Variants in KIF13B observed in about 807,000 individuals in gnomAD.
KIF13B encodes kinesin-like protein KIF13B.
KIF13B carries 127 observed loss-of-function variants against 222.0 expected under a neutral mutation model. That is an observed-to-expected ratio of 0.57 (90% CI 0.50 to 0.66). The LOEUF (loss-of-function observed/expected upper bound fraction) is 0.66. Ranked by LOEUF, KIF13B falls within the 30% of genes least tolerant of loss-of-function variation. The probability of loss-of-function intolerance (pLI) is 0.00; values close to 1 mark genes in which losing one functional copy is unlikely to be tolerated. For synonymous variants in KIF13B, 976 were observed against 919.0 expected (o/e 1.06, Z -1.12); for missense variants, 2,173 against 2,379.0 (o/e 0.91, Z 1.80).
At chr8:29,161,793 C>A (rs1811794058) in intron 12 of KIF13B, among the ~76,000 whole-genome samples, 1 of 150,662 alleles carries the variant, frequency 6.6e-6, no homozygotes, top group Non-Finnish European at 1.5e-5. Flanking sequence ...TTTTTTCTAT[C>A]TGGAGCAGAC....
chr8:29,206,009 T>C (rs946739430), intron 2 of KIF13B, among the ~76,000 whole-genome samples: 1 of 151,892 alleles, frequency 6.6e-6, no homozygotes, highest in African/African-American at 2.4e-5. Context: ...GAGGATCACT[T>C]GAACTGATGA....
At chr8:29,262,200 T>A (rs551694664) in intron 1 of KIF13B, among the ~76,000 whole-genome samples, 1 of 152,224 alleles carries the variant, frequency 6.6e-6, no homozygotes, top group East Asian at 1.9e-4. Flanking sequence ...TTCTCTCCAC[T>A]CCCCGGGTCT....
In KIF13B at chr8:29,191,088, GAAAACCTCAACA is replaced by G. The variant is rs561842621; in HGVS notation, c.163-43_163-32del. On this transcript the variant is annotated intron_variant, in intron 3 of 39. Coordinates refer to ENST00000524189, the MANE Select transcript of KIF13B (RefSeq NM_015254.4). ...GAAAATGAACATAAGTGTGTGTTAA[GAAAACCTCAACA>G]TTACTTATAAACCATAACTGATAGA... The G allele has an allele frequency of 3.4e-5, 53 of 1,539,604 alleles. No homozygotes were observed. In the South Asian group the frequency reaches 6.2e-4, roughly 18 times the overall value.
At chr8:29,152,329 G>A (rs1009151460) in intron 14 of KIF13B, among the ~76,000 whole-genome samples, 4 of 152,156 alleles carry the variant, frequency 2.6e-5, no homozygotes, top group South Asian at 2.1e-4. Context: ...TGTCAGGGTC[G>A]AAGAAAACTG....
intron 21 of KIF13B, 44 bp downstream of exon 21, chr8:29,140,017 AAT>A (rs1309317661): frequency 1.3e-6 from 2 of 1,513,694 alleles, no homozygotes; most frequent in Non-Finnish European, 8.9e-7. Context: ...CAAAAACTGC[AAT>A]GACTTTTGTA....
intron 34 of KIF13B, among the ~76,000 whole-genome samples, 193 bp downstream of exon 34, chr8:29,109,241 C>T (rs1809239490): frequency 6.6e-6 from 1 of 152,208 alleles, no homozygotes. Context: ...ACTGCTACTT[C>T]CCCTATAATA....
At chr8:29,230,771 T>A (rs1272981487) in intron 2 of KIF13B, among the ~76,000 whole-genome samples, 5 of 152,192 alleles carry the variant, frequency 3.3e-5, no homozygotes, top group African/African-American at 1.2e-4. Flanking sequence ...AGGGGTCTGA[T>A]ATGGGGCAGA....
chr8:29,250,104 A>G (rs770632753), intron 1 of KIF13B: 2 of 1,209,040 alleles, frequency 1.7e-6, no homozygotes, highest in Non-Finnish European at 2.2e-6. Context: ...ACACAAGCAC[A>G]TTATCAACTC....
At chr8:29,148,423 A>G (rs1253557258) in intron 16 of KIF13B, among the ~76,000 whole-genome samples, 154 bp downstream of exon 16, 1 of 151,762 alleles carries the variant, frequency 6.6e-6, no homozygotes, top group Non-Finnish European at 1.5e-5. Context: ...TAAAGAGAGA[A>G]CGTCTTGCTA....
chr8:29,250,286 A>C (rs1227025064), intron 1 of KIF13B, among the ~76,000 whole-genome samples: 1 of 152,226 alleles, frequency 6.6e-6, no homozygotes, highest in Non-Finnish European at 1.5e-5. Context: ...ACAATAGTGC[A>C]GTTCCTTCAT....
intron 21 of KIF13B, among the ~76,000 whole-genome samples, chr8:29,134,954 A>G (rs951280425): frequency 3.3e-5 from 5 of 152,206 alleles, no homozygotes; most frequent in African/African-American, 7.2e-5. Context: ...CTGGAGATAC[A>G]TGTCTAATCA....
At chr8:29,150,428 T>C in intron 14 of KIF13B, 45 bp from the exon 15 acceptor site, 1 of 912,324 alleles carries the variant, frequency 1.1e-6, no homozygotes, top group Non-Finnish European at 1.7e-6. Context: ...TACAGTATCA[T>C]GTCTTCTGCT....
intron 1 of KIF13B, among the ~76,000 whole-genome samples, 191 bp downstream of exon 1, chr8:29,262,789 G>C (rs1006113043): frequency 6.6e-6 from 1 of 151,406 alleles, no homozygotes; most frequent in African/African-American, 2.4e-5. Context: ...CTGGCCAGGG[G>C]GGAAGGGAGG....
At chr8:29,248,996 T>C (rs370847465) in intron 1 of KIF13B, among the ~76,000 whole-genome samples, 45 of 152,298 alleles carry the variant, frequency 3.0e-4, no homozygotes, top group Middle Eastern at 3.4e-3. Flanking sequence ...TTGAATTGTA[T>C]GGGGCATGAA....
intron 2 of KIF13B, among the ~76,000 whole-genome samples, chr8:29,235,281 G>C (rs982126657): frequency 9.9e-5 from 15 of 152,208 alleles, no homozygotes; most frequent in African/African-American, 3.6e-4. Flanking sequence ...AAAGGTTACA[G>C]TAATGCAAAT....
chr8:29,228,472 A>AAATATATATATAT lies in KIF13B; in HGVS notation c.149+16873_149+16874insATATATATATATT. 1.7e-4 allele frequency among the ~76,000 whole-genome samples: 20 copies of AAATATATATATAT among 117,084 alleles called. 1 individual carries two copies. The South Asian group carries it at 2.9e-3, about 17-fold the overall frequency. 76.8% of individuals were successfully genotyped at this position (117,084 alleles called of 152,430 possible). A position where few individuals can be genotyped will look rare whatever the true frequency, so the allele number is the denominator to read the frequency against. On this transcript the variant is annotated intron_variant, in intron 2 of 39. Coordinates refer to ENST00000524189, the MANE Select transcript of KIF13B (RefSeq NM_015254.4). ...ACAGAGCCAGACTCCATCTTAAAAA[A>AAATATATATATAT]ATATATATATATATATATGAGATAC...
At chr8:29,199,742 G>A (rs188134882) in intron 2 of KIF13B, among the ~76,000 whole-genome samples, 14 of 152,100 alleles carry the variant, frequency 9.2e-5, no homozygotes, top group African/African-American at 2.9e-4. Flanking sequence ...AAACACTCTC[G>A]ACTTAACAAT....
chr8:29,094,005 G>C (rs1166641136), intron 36 of KIF13B, among the ~76,000 whole-genome samples: 1 of 152,160 alleles, frequency 6.6e-6, no homozygotes, highest in Non-Finnish European at 1.5e-5. Context: ...TTACAATCTA[G>C]AGTTCTGTAT....
intron 2 of KIF13B, among the ~76,000 whole-genome samples, chr8:29,215,287 T>A (rs1049919747): frequency 2.6e-5 from 4 of 152,040 alleles, no homozygotes; most frequent in Admixed American, 6.5e-5. Context: ...ATGGCAAATT[T>A]GGGGCAACAC....
Sources: gnomAD v4.1 joint callset for allele counts (sites outside exome capture counted in the v4.1 genomes callset) on GRCh38, gnomAD v4.1.1 for gene constraint, MANE v1.5 for transcripts, NCBI Gene and HGNC (gene_info 2026-07-23, HGNC 2026-07-21) for gene names.